The following KCTD1 variants were observed in gnomAD, a reference collection of about 807,000 sequenced individuals.
The protein encoded by KCTD1 is BTB/POZ domain-containing protein KCTD1.
In KCTD1, 24 loss-of-function variants were observed where a neutral mutation model predicts 66.0. The observed-to-expected ratio is 0.36, with a 90% CI of 0.26 to 0.51. The LOEUF is 0.51. KCTD1 is among the 20% of genes least tolerant of loss of function. The pLI is 0.95. For missense variants in KCTD1, 943 were observed against 1,205.2 expected, an observed-to-expected ratio of 0.78 and a Z score of 3.22; for synonymous variants, 511 against 517.2, an observed-to-expected ratio of 0.99 and a Z score of 0.16.
At chr18:26,573,638 A>G (rs890651840) in intron 1 of KCTD1, among the ~76,000 whole-genome samples, 7 of 152,216 alleles carry the variant, frequency 4.6e-5, no homozygotes, top group Admixed American at 3.3e-4. Context: ...TTCCAGAGCA[A>G]TGCTGCTGTG....
At chr18:26,516,067 C>G (rs1254397648) in intron 1 of KCTD1, among the ~76,000 whole-genome samples, 5 of 151,872 alleles carry the variant, frequency 3.3e-5, no homozygotes, top group Admixed American at 2.0e-4. Context: ...AAGGGACAGA[C>G]AGCAGCTCCA....
chr18:26,633,195 T>G (rs1987657792), upstream of KCTD1, among the ~76,000 whole-genome samples: 1 of 152,198 alleles, frequency 6.6e-6, no homozygotes. Flanking sequence ...ATATACATCA[T>G]ATATCAAATG....
chr18:26,622,170 G>C (rs1350220971), intron 1 of KCTD1, among the ~76,000 whole-genome samples: 1 of 151,936 alleles, frequency 6.6e-6, no homozygotes, highest in Non-Finnish European at 1.5e-5. Context: ...CTCTACTAAA[G>C]ATCACAGAAG....
At chr18:26,523,603 C>T (rs1017822762) in intron 1 of KCTD1, among the ~76,000 whole-genome samples, 1 of 143,040 alleles carries the variant, frequency 7.0e-6, no homozygotes, top group Non-Finnish European at 1.5e-5. Context: ...TGGGACAACA[C>T]AGCGAGATCC....
At chr18:26,485,184 T>C (rs749894096) in intron 2 of KCTD1, among the ~76,000 whole-genome samples, 19 of 152,240 alleles carry the variant, frequency 1.2e-4, no homozygotes, top group Admixed American at 2.6e-4. Context: ...AAGCCCTACA[T>C]TGAACTGAGT....
At chr18:26,604,573 G>C (rs1372241552) in intron 1 of KCTD1, among the ~76,000 whole-genome samples, 5 of 152,188 alleles carry the variant, frequency 3.3e-5, no homozygotes, top group Non-Finnish European at 7.3e-5. Flanking sequence ...TAAAAAATGA[G>C]ATCATGTCTT....
At chr18:26,475,185 ATTAC>A (rs1981275711) in intron 3 of KCTD1, among the ~76,000 whole-genome samples, 1 of 152,166 alleles carries the variant, frequency 6.6e-6, no homozygotes, top group Non-Finnish European at 1.5e-5. Context: ...CACATCCACC[ATTAC>A]CCACCTTTAC....
chr18:26,563,050 C>A (rs1985897872), intron 1 of KCTD1, among the ~76,000 whole-genome samples: 1 of 152,208 alleles, frequency 6.6e-6, no homozygotes, highest in South Asian at 2.1e-4. Flanking sequence ...TGCACCCGAG[C>A]TAGGAACTCT....
At chr18:26,553,128 C>T (rs1985618141), upstream of KCTD1, among the ~76,000 whole-genome samples, 1 of 151,876 alleles carries the variant, frequency 6.6e-6, no homozygotes, top group African/African-American at 2.4e-5. Flanking sequence ...GTAGCTGGGA[C>T]TACAGGCCTG....
chr18:26,627,834 C>T (rs958059283), intron 1 of KCTD1, among the ~76,000 whole-genome samples: 15 of 152,182 alleles, frequency 9.9e-5, no homozygotes, highest in Non-Finnish European at 1.8e-4. Flanking sequence ...CCTGGCCACT[C>T]TTAATAGAAG....
At chr18:26,536,935 A>C (rs1598926367) in intron 1 of KCTD1, among the ~76,000 whole-genome samples, 1 of 151,408 alleles carries the variant, frequency 6.6e-6, no homozygotes, top group Non-Finnish European at 1.5e-5. Flanking sequence ...AAAAAAAAAA[A>C]CCCACGAGAC....
chr18:26,616,853 T>C (rs1011277334), intron 1 of KCTD1, among the ~76,000 whole-genome samples: 1 of 152,190 alleles, frequency 6.6e-6, no homozygotes, highest in African/African-American at 2.4e-5. Context: ...AGACTTACTT[T>C]GCTAATCCAC....
intron 1 of KCTD1, chr18:26,565,583 A>T (rs969835178): frequency 2.0e-5 from 3 of 152,154 alleles, no homozygotes; most frequent in African/African-American, 7.2e-5. Context: ...GTGGGCATTC[A>T]TTTGATTCTT....
chr18:26,559,667 G>T (rs1288903025), intron 1 of KCTD1, among the ~76,000 whole-genome samples: 1 of 152,164 alleles, frequency 6.6e-6, no homozygotes, highest in Non-Finnish European at 1.5e-5. Context: ...AGGAGGACTC[G>T]GGGGTTCAGA....
chr18:26,567,290 A>G (rs1986003006), intron 1 of KCTD1, among the ~76,000 whole-genome samples: 3 of 152,144 alleles, frequency 2.0e-5, no homozygotes, highest in Admixed American at 2.0e-4. Context: ...TACTAATTCA[A>G]AGGTGCTGAA....
chr18:26,538,743 T>C (rs1044906716), intron 1 of KCTD1, among the ~76,000 whole-genome samples: 4 of 152,198 alleles, frequency 2.6e-5, no homozygotes, highest in African/African-American at 9.7e-5. Context: ...GTGAGATCAT[T>C]GTTATCATCA....
upstream of KCTD1, among the ~76,000 whole-genome samples, chr18:26,630,317 GTC>G (rs746043683): frequency 2.0e-5 from 3 of 152,030 alleles, no homozygotes; most frequent in Non-Finnish European, 4.4e-5. Flanking sequence ...TTGAGTATAT[GTC>G]TTTTTTTGTT....
intron 1 of KCTD1, among the ~76,000 whole-genome samples, chr18:26,567,488 G>GT (rs201110977): frequency 0.046 from 5,143 of 112,726 alleles, 346 homozygotes; most frequent in African/African-American, 0.15. Flanking sequence ...TGTTGTTGTT[G>GT]TTTTTTTTTT....
At position 26,476,474 on chromosome 18, in the gene KCTD1, C is replaced by A; in HGVS notation, c.2133+41G>T. On this transcript the variant is annotated intron_variant, in intron 3 of 4. Transcript: ENST00000580059. This position sits in a 1 kb window ranked among gnomAD's most constrained non-coding sequence, Gnocchi z 4.9. ...ATTTTTTTGGAGCACATAAAAAAAT[C>A]ACATATTTATGCTATTGGTGATTTA... The A allele has an allele frequency of 6.4e-7, 1 of 1,559,640 alleles. No individual in the cohort carries two copies. The highest frequency in any genetic ancestry group is 8.6e-7 in the Non-Finnish European group (1 of 1,156,824).
Sources: allele counts gnomAD v4.1 joint callset (sites outside exome capture counted in the v4.1 genomes callset), GRCh38; gene constraint gnomAD v4.1.1; non-coding constraint Gnocchi (gnomAD v3.1); transcripts MANE v1.5; gene names NCBI Gene and HGNC (gene_info 2026-07-23, HGNC 2026-07-21).